Variants in ALMS1 observed in about 807,000 individuals in gnomAD.
ALMS1 encodes the protein centrosome-associated protein ALMS1.
A neutral mutation model predicts 352.2 loss-of-function variants in ALMS1; 271 were observed. The observed-to-expected ratio is 0.77, with a 90% CI of 0.70 to 0.85. The LOEUF (loss-of-function observed/expected upper bound fraction) is 0.85. Among genes scored for constraint, ALMS1 ranks in the 40% least tolerant of loss-of-function variants. ALMS1 has a pLI of 0.00. For synonymous variants in ALMS1, 1,865 were observed against 1,761.2 expected, an observed-to-expected ratio of 1.06 and a Z score of -1.48; for missense variants, 5,445 against 4,870.7, an observed-to-expected ratio of 1.12 and a Z score of -3.51.
At chr2:73,549,326 TTTGTA>T (rs140946410) in intron 12 of ALMS1, among the ~76,000 whole-genome samples, 9 of 152,350 alleles carry the variant, frequency 5.9e-5, no homozygotes, top group African/African-American at 2.2e-4. Context: ...TGTTTTGTCT[TTTGTA>T]TTGTCAGATT....
At chr2:73,537,811 A>T (rs1244133735) in intron 12 of ALMS1, among the ~76,000 whole-genome samples, 1 of 152,084 alleles carries the variant, frequency 6.6e-6, no homozygotes, top group Admixed American at 6.6e-5. Context: ...GTTTGAGATC[A>T]GCCTGGGCAA....
At chr2:73,600,962 G>T (rs1675670951) in intron 18 of ALMS1, 81 bp downstream of exon 18, 1 of 1,490,204 alleles carries the variant, frequency 6.7e-7, no homozygotes, top group Admixed American at 1.9e-5. Context: ...GTGTTTCCAA[G>T]TGACTCTATG....
rs565342960 is a variant in ALMS1, at chr2:73,404,569, G to A, written c.325-4053G>A. On this transcript the variant is annotated intron_variant, in intron 1 of 22. Coordinates refer to ENST00000613296, the MANE Select transcript of ALMS1 (RefSeq NM_001378454.1). ...TGGTTTTTGTCCTTCCATTAATGTGGTGTATTACATTGATCAATTTTTGTA... is the reference window on the plus strand; with the variant it reads ...TGGTTTTTGTCCTTCCATTAATGTGATGTATTACATTGATCAATTTTTGTA... 3.9e-5 allele frequency among the ~76,000 whole-genome samples: 6 copies of A among 151,986 alleles called. No homozygotes were observed. The South Asian group carries it at 1.2e-3, about 32-fold the overall frequency.
At chr2:73,504,778 T>C (rs1276005348) in intron 10 of ALMS1, among the ~76,000 whole-genome samples, 1 of 152,132 alleles carries the variant, frequency 6.6e-6, no homozygotes, top group African/African-American at 2.4e-5. Flanking sequence ...ATGTGCTGAA[T>C]GTTCAGGTTT....
intron 8 of ALMS1, 119 bp downstream of exon 8, chr2:73,454,186 T>TG: frequency 4.0e-6 from 6 of 1,485,638 alleles, no homozygotes; most frequent in Non-Finnish European, 5.3e-6. Flanking sequence ...AGAAAAAAAA[T>TG]GAAGTTAGAT....
chr2:73,425,436 A>G (rs1352276294), intron 5 of ALMS1, among the ~76,000 whole-genome samples: 3 of 152,194 alleles, frequency 2.0e-5, no homozygotes, highest in African/African-American at 7.2e-5. Flanking sequence ...CAGGGGACAT[A>G]ATACCTCTAA....
At chr2:73,581,196 T>G (rs1180958906) in intron 16 of ALMS1, among the ~76,000 whole-genome samples, 1 of 152,240 alleles carries the variant, frequency 6.6e-6, no homozygotes, top group Admixed American at 6.5e-5. Flanking sequence ...TCCCTTGAAC[T>G]GTTAATTTTT....
intron 1 of ALMS1, among the ~76,000 whole-genome samples, chr2:73,399,791 C>G (rs1233143429): frequency 2.6e-5 from 4 of 152,052 alleles, no homozygotes. Flanking sequence ...TTTGTAGATA[C>G]TCTATGTCAA....
Position 73,583,247 on chromosome 2 carries a change from C to T in ALMS1, c.11547+9823C>T, listed in dbSNP as rs547262976. Reference sequence around the variant, plus strand: ...CTCACTGTTTTGTCCATCCTGGTCTCGAGCTCCTGGGCTCAAGCAGTCTTT... The same window carrying T: ...CTCACTGTTTTGTCCATCCTGGTCTTGAGCTCCTGGGCTCAAGCAGTCTTT... On this transcript the variant is annotated intron_variant, in intron 16 of 22. Coordinates refer to ENST00000613296, the MANE Select transcript of ALMS1 (RefSeq NM_001378454.1). 2.0e-5 allele frequency among the ~76,000 whole-genome samples: 3 copies of T among 150,956 alleles called. No homozygotes were observed. In the East Asian group the frequency reaches 5.8e-4, roughly 29 times the overall value.
intron 10 of ALMS1, among the ~76,000 whole-genome samples, chr2:73,507,566 G>T (rs557502930): frequency 6.6e-6 from 1 of 152,164 alleles, no homozygotes; most frequent in Non-Finnish European, 1.5e-5. Flanking sequence ...TTGCGTAGAG[G>T]TGTTTGCAGT....
intron 9 of ALMS1, among the ~76,000 whole-genome samples, chr2:73,455,826 TTTGC>T (rs1672048581): frequency 6.6e-6 from 1 of 151,992 alleles, no homozygotes; most frequent in Non-Finnish European, 1.5e-5. Context: ...TAAGAACTGA[TTTGC>T]TTGTTTTATC....
intron 16 of ALMS1, among the ~76,000 whole-genome samples, chr2:73,581,172 G>A (rs1675168658): frequency 6.6e-6 from 1 of 152,156 alleles, no homozygotes; most frequent in African/African-American, 2.4e-5. Flanking sequence ...CCTGCTTTTA[G>A]TATGTCTATT....
At chr2:73,598,923 C>G (rs1330718546) in intron 16 of ALMS1, among the ~76,000 whole-genome samples, 1 of 152,140 alleles carries the variant, frequency 6.6e-6, no homozygotes, top group Non-Finnish European at 1.5e-5. Flanking sequence ...TTTTGCAATG[C>G]TCTACTCATC....
intron 11 of ALMS1, among the ~76,000 whole-genome samples, chr2:73,525,306 G>A (rs910962126): frequency 4.6e-4 from 70 of 152,294 alleles, no homozygotes; most frequent in Non-Finnish European, 9.1e-4. Flanking sequence ...GGGATTGCTG[G>A]ATCATATGTT....
Position 73,453,386 on chromosome 2 carries a change from A to T in ALMS1, c.6859A>T (p.Arg2287Ter). The change falls in exon 8 of 23, where the codon AGA becomes TGA. Residue 2287 changes from arginine (R) to a stop codon, truncating the protein, a stop_gained. Coordinates refer to ENST00000613296, the MANE Select transcript of ALMS1 (RefSeq NM_001378454.1). LOFTEE classifies it high-confidence loss of function. ...CNFPAPLARF[R>*]DISDISFIQS... is the part of the protein sequence containing the mutation. ...TTTTCCTGCTCCCCTTGCCCGTTTC[A>T]GAGATATTAGTGATATTTCATTTAT... is the stretch of plus-strand genomic sequence containing the variant. 6.2e-7 allele frequency: 1 copy of T among 1,613,890 alleles called. No homozygotes were observed. The highest frequency in any genetic ancestry group is 1.3e-5 in the African/African-American group (1 of 75,000).
In ALMS1 at chr2:73,422,968, C is replaced by G. The variant is rs749777325; in HGVS notation, c.758C>G (p.Pro253Arg). 3 of 1,605,138 alleles carry G rather than the reference C, an allele frequency of 1.9e-6. No individual in the cohort carries two copies. The highest frequency in any genetic ancestry group is 2.2e-5 in the South Asian group (2 of 90,890). The change falls in exon 4 of 23, where the codon CCT (proline) becomes CGT (arginine). Residue 253 changes from proline (P) to arginine (R), a missense_variant. Coordinates refer to ENST00000613296, the MANE Select transcript of ALMS1 (RefSeq NM_001378454.1). ...LFHQSELSFA[P>R]LRGIPDKSED... Reference sequence around the variant, plus strand: ...CATCAAAGTGAACTAAGTTTTGCACCTCTGAGGTAGGATGATTTATTTGCA... The same window carrying G: ...CATCAAAGTGAACTAAGTTTTGCACGTCTGAGGTAGGATGATTTATTTGCA...
At chr2:73,567,530 ATAATAG>A (rs1246146770) in intron 15 of ALMS1, among the ~76,000 whole-genome samples, 1 of 152,240 alleles carries the variant, frequency 6.6e-6, no homozygotes, top group Non-Finnish European at 1.5e-5. Flanking sequence ...TTATACAGTG[ATAATAG>A]TAAAAGGATG....
intron 12 of ALMS1, among the ~76,000 whole-genome samples, chr2:73,541,033 C>T (rs1040246356): frequency 6.6e-6 from 1 of 152,204 alleles, no homozygotes; most frequent in African/African-American, 2.4e-5. Flanking sequence ...TAACAGACAT[C>T]TACAGAACTC....
At chr2:73,496,428 T>C (rs1252843216) in intron 10 of ALMS1, among the ~76,000 whole-genome samples, 5 of 152,074 alleles carry the variant, frequency 3.3e-5, no homozygotes. Flanking sequence ...GCTTTTTTAT[T>C]GCTTTATTAA....
Sources: allele counts gnomAD v4.1 joint callset (sites outside exome capture counted in the v4.1 genomes callset), GRCh38; gene constraint gnomAD v4.1.1; transcripts MANE v1.5; gene names NCBI Gene and HGNC (gene_info 2026-07-23, HGNC 2026-07-21).